DENND1A: variants seen among roughly 807,000 people sequenced by gnomAD.
The protein encoded by DENND1A is DENN domain-containing protein 1A.
Under a neutral mutation model 113.7 loss-of-function variants are expected in DENND1A, and 51 were observed. That is an observed-to-expected ratio of 0.45 (90% confidence interval 0.36 to 0.57). The LOEUF is 0.57. Ranked by LOEUF, DENND1A falls within the 20% of genes least tolerant of loss-of-function variation. The pLI, the probability that DENND1A is intolerant of heterozygous loss-of-function variation, is 0.00. For missense variants in DENND1A, 1,258 were observed against 1,395.9 expected, an observed-to-expected ratio of 0.90 and a Z score of 1.57; for synonymous variants, 565 against 570.8, an observed-to-expected ratio of 0.99 and a Z score of 0.14.
intron 11 of DENND1A, among the ~76,000 whole-genome samples, chr9:123,608,350 G>T (rs2060263555): frequency 6.6e-6 from 1 of 152,178 alleles, no homozygotes; most frequent in Admixed American, 6.5e-5. Context: ...GACGTGAAAT[G>T]AAGGGAACAG....
At chr9:123,728,060 C>T (rs573733211) in intron 5 of DENND1A, among the ~76,000 whole-genome samples, 12 of 151,244 alleles carry the variant, frequency 7.9e-5, no homozygotes, top group South Asian at 4.2e-4. Context: ...GAGCCAAGAT[C>T]GCACCACTGC....
chr9:123,622,919 A>G (rs2061027160), intron 10 of DENND1A, among the ~76,000 whole-genome samples: 1 of 152,224 alleles, frequency 6.6e-6, no homozygotes. Flanking sequence ...CAAGGCCACC[A>G]TCAGCTAAGG....
chr9:123,809,754 T>C (rs1836224806), intron 2 of DENND1A, among the ~76,000 whole-genome samples: 1 of 152,166 alleles, frequency 6.6e-6, no homozygotes, highest in Admixed American at 6.5e-5. Flanking sequence ...CACTGCAACC[T>C]CCACCCCCTG....
chr9:123,389,878 C>T (rs962537736), intron 21 of DENND1A, among the ~76,000 whole-genome samples: 6 of 152,192 alleles, frequency 3.9e-5, no homozygotes, highest in African/African-American at 4.8e-5. Context: ...CACTGCTGAG[C>T]GGCCGTGCCG....
intron 13 of DENND1A, among the ~76,000 whole-genome samples, chr9:123,493,719 C>T (rs532024322): frequency 6.6e-6 from 1 of 152,044 alleles, no homozygotes; most frequent in East Asian, 1.9e-4. Context: ...CTAGTGGTAC[C>T]GAAGAATAGC....
At chr9:123,873,932 G>A (rs924925582) in intron 2 of DENND1A, among the ~76,000 whole-genome samples, 13 of 152,104 alleles carry the variant, frequency 8.5e-5, no homozygotes, top group Non-Finnish European at 1.5e-4. Context: ...TAATAGAGAC[G>A]GGGTTTTACC....
At chr9:123,679,822 C>T (rs2140171313) in intron 5 of DENND1A, among the ~76,000 whole-genome samples, 1 of 152,274 alleles carries the variant, frequency 6.6e-6, no homozygotes, top group South Asian at 2.1e-4. Context: ...CTTCCCAGTC[C>T]AAAGACAGAA....
At chr9:123,886,425 A>T (rs10760299) in intron 1 of DENND1A, among the ~76,000 whole-genome samples, 10,927 of 152,174 alleles carry the variant, frequency 0.072, 616 homozygotes, top group African/African-American at 0.16. Context: ...CCCCTTACTC[A>T]TTTCACGGTC....
intron 3 of DENND1A, among the ~76,000 whole-genome samples, chr9:123,786,976 C>T (rs1832278770): frequency 6.6e-6 from 1 of 151,940 alleles, no homozygotes; most frequent in Non-Finnish European, 1.5e-5. Context: ...GGGATACACC[C>T]AAGTTCAATT....
chr9:123,535,536 GTTT>G (rs1315382023), intron 13 of DENND1A, among the ~76,000 whole-genome samples: 1 of 152,198 alleles, frequency 6.6e-6, no homozygotes, highest in Non-Finnish European at 1.5e-5. Flanking sequence ...TGTCTCCTAT[GTTT>G]CTCTCTGTGT....
intron 20 of DENND1A, among the ~76,000 whole-genome samples, chr9:123,408,368 C>G (rs892871419): frequency 3.3e-5 from 5 of 152,284 alleles, no homozygotes; most frequent in Admixed American, 2.6e-4. Context: ...TCTATGACTC[C>G]CAAATTGGCC....
At chr9:123,787,690 T>A (rs1311371211) in intron 3 of DENND1A, among the ~76,000 whole-genome samples, 1 of 152,184 alleles carries the variant, frequency 6.6e-6, no homozygotes, top group African/African-American at 2.4e-5. Context: ...TGTTCCTTTT[T>A]AGTATATAGT....
chr9:123,747,310 A>T (rs2069598364), intron 5 of DENND1A, among the ~76,000 whole-genome samples: 1 of 152,162 alleles, frequency 6.6e-6, no homozygotes, highest in African/African-American at 2.4e-5. Context: ...AGACTGCATA[A>T]ATGAACAATA....
intron 9 of DENND1A, among the ~76,000 whole-genome samples, chr9:123,639,454 CAA>C (rs1170557545): frequency 5.5e-4 from 42 of 76,358 alleles, no homozygotes; most frequent in African/African-American, 1.9e-3. Flanking sequence ...AACCCCCTAC[CAA>C]AAAAAAAAAA....
In DENND1A at chr9:123,586,697, C is replaced by T. The variant is rs144673887; in HGVS notation, c.766-3427G>A. Reference sequence around the variant, plus strand: ...GGAGCCCAGCTCGCTGGACAGTGCCCGGTCCCCCAAAGGATCAAGGCAACT... The same window carrying T: ...GGAGCCCAGCTCGCTGGACAGTGCCTGGTCCCCCAAAGGATCAAGGCAACT... On this transcript the variant is annotated intron_variant, in intron 11 of 23. Transcript: ENST00000394215. Among the ~76,000 whole-genome samples, 9 of 152,218 alleles carry T rather than the reference C, an allele frequency of 5.9e-5. No individual in the cohort carries two copies. The East Asian group carries it at 1.2e-3, about 20-fold the overall frequency.
At chr9:123,828,582 C>G (rs1839723167) in intron 2 of DENND1A, among the ~76,000 whole-genome samples, 1 of 150,000 alleles carries the variant, frequency 6.7e-6, no homozygotes, top group African/African-American at 2.5e-5. Context: ...AACACCTACA[C>G]TAATCATAGT....
intron 8 of DENND1A, among the ~76,000 whole-genome samples, chr9:123,655,981 C>T (rs2062923419): frequency 6.6e-6 from 1 of 152,232 alleles, no homozygotes; most frequent in South Asian, 2.1e-4. Flanking sequence ...TTCCTGCTTA[C>T]TCTGGGGTGG....
chr9:123,790,727 CAAT>C (rs748735424), intron 3 of DENND1A, among the ~76,000 whole-genome samples: 1 of 152,026 alleles, frequency 6.6e-6, no homozygotes, highest in Non-Finnish European at 1.5e-5. Flanking sequence ...GCTCTGTATA[CAAT>C]GATGGAATTG....
Position 123,833,456 on chromosome 9 carries a change from G to A in DENND1A, c.89-40826C>T, listed in dbSNP as rs979732664. On this transcript the variant is annotated intron_variant, in intron 2 of 23. Coordinates refer to ENST00000394215, the MANE Select transcript of DENND1A (RefSeq NM_001352964.2). The stretch of plus-strand genomic sequence containing the variant: ...TTCTCCACAAATTCCTTAGGGGGGA[G>A]AAATGTGAAATTTCCTATAATGATC... 2.6e-5 allele frequency among the ~76,000 whole-genome samples: 4 copies of A among 152,068 alleles called. No individual in the cohort carries two copies. The East Asian group carries it at 5.8e-4, about 22-fold the overall frequency.
Sources: allele counts gnomAD v4.1 joint callset (sites outside exome capture counted in the v4.1 genomes callset), GRCh38; gene constraint gnomAD v4.1.1; transcripts MANE v1.5; gene names NCBI Gene and HGNC (gene_info 2026-07-23, HGNC 2026-07-21).